OMA1: variants seen among roughly 807,000 people sequenced by gnomAD.
OMA1 encodes metalloendopeptidase OMA1, mitochondrial.
In OMA1, 38 loss-of-function variants were observed where a neutral mutation model predicts 30.9. The observed-to-expected ratio is 1.23, with a 90% CI of 0.95 to 1.61. The LOEUF (loss-of-function observed/expected upper bound fraction) is 1.61. OMA1 is among the 40% of genes most tolerant of loss of function. The pLI, the probability that OMA1 is intolerant of heterozygous loss-of-function variation, is 0.00. For missense variants in OMA1, 461 were observed against 349.2 expected, an observed-to-expected ratio of 1.32 and a Z score of -2.55; for synonymous variants, 173 against 121.9, an observed-to-expected ratio of 1.42 and a Z score of -2.76.
intron 8 of OMA1, among the ~76,000 whole-genome samples, chr1:58,489,168 C>T (rs868691347): frequency 5.9e-5 from 9 of 152,172 alleles, no homozygotes; most frequent in African/African-American, 1.9e-4. Flanking sequence ...GGAAGTGCAA[C>T]GGGTCAGGGA....
intron 8 of OMA1, among the ~76,000 whole-genome samples, chr1:58,485,422 T>C (rs1033483269): frequency 1.3e-5 from 2 of 151,922 alleles, no homozygotes; most frequent in South Asian, 2.1e-4. Flanking sequence ...GTTTCTTTAA[T>C]TGCTAGAAAC....
intron 1 of OMA1, among the ~76,000 whole-genome samples, chr1:58,545,766 T>C (rs895086733): frequency 7.9e-5 from 12 of 152,200 alleles, no homozygotes; most frequent in African/African-American, 2.4e-5. Flanking sequence ...GACTATTTCT[T>C]CTCTAGTTTC....
chr1:58,492,821 G>A lies in OMA1; in HGVS notation c.1366-11647C>T, dbSNP rs1272427923. ...TCCAGGACCAGATGGATTCACAGCC[G>A]AATTCTACCAGAGGTACAAGAAGGA... On this transcript the variant is annotated intron_variant, in intron 8 of 8. Coordinates refer to ENST00000371226, the MANE Select transcript of OMA1 (RefSeq NM_145243.5). 5.9e-5 allele frequency among the ~76,000 whole-genome samples: 9 copies of A among 152,096 alleles called. No individual in the cohort carries two copies. The South Asian group carries it at 1.0e-3, about 18-fold the overall frequency.
In OMA1 at chr1:58,481,230, A is replaced by G. The variant is rs895222955; in HGVS notation, c.1366-56T>C. The G allele has an allele frequency of 5.1e-6, 3 of 582,954 alleles. No homozygotes were observed. In the African/African-American group the frequency reaches 5.7e-5, roughly 11 times the overall value. 36.1% of individuals were successfully genotyped at this position (582,954 alleles called of 1,614,324 possible). ...TATATATATACATCAATGTATTCAGATTGTTTCAGTAATCCCTAATATGCT... is the reference window on the plus strand; with the variant it reads ...TATATATATACATCAATGTATTCAGGTTGTTTCAGTAATCCCTAATATGCT... On this transcript the variant is annotated intron_variant, in intron 8 of 8. Transcript: ENST00000371226.
intron 8 of OMA1, among the ~76,000 whole-genome samples, chr1:58,495,244 G>T (rs1436617408): frequency 6.6e-6 from 1 of 152,088 alleles, no homozygotes; most frequent in Non-Finnish European, 1.5e-5. Flanking sequence ...ACAGGAAGGG[G>T]AACATCACAC....
chr1:58,488,854 C>G (rs780070770), intron 8 of OMA1, among the ~76,000 whole-genome samples: 1 of 152,218 alleles, frequency 6.6e-6, no homozygotes, highest in Non-Finnish European at 1.5e-5. Flanking sequence ...GCTTAGCTCC[C>G]ACTTATCAGT....
chr1:58,525,606 G>A (rs1646336916), intron 7 of OMA1, among the ~76,000 whole-genome samples: 1 of 151,998 alleles, frequency 6.6e-6, no homozygotes, highest in Admixed American at 6.6e-5. Context: ...TTATGGATGG[G>A]AAGAATCAAT....
intron 8 of OMA1, among the ~76,000 whole-genome samples, chr1:58,482,484 G>T (rs1196355392): frequency 6.6e-6 from 1 of 151,916 alleles, no homozygotes; most frequent in Non-Finnish European, 1.5e-5. Flanking sequence ...AGGATAAATG[G>T]TCTTAATATT....
intron 8 of OMA1, among the ~76,000 whole-genome samples, chr1:58,499,491 T>TAGATAGATAGAC (rs964897791): frequency 6.7e-6 from 1 of 149,148 alleles, no homozygotes; most frequent in African/African-American, 2.5e-5. Context: ...GATAGATAGA[T>TAGATAGATAGAC]AGATAGATAG....
chr1:58,499,323 A>C (rs1645859502), intron 8 of OMA1, among the ~76,000 whole-genome samples: 1 of 150,600 alleles, frequency 6.6e-6, no homozygotes, highest in Admixed American at 6.6e-5. Flanking sequence ...ACAAAAAAAA[A>C]AAAAAAAAAA....
At chr1:58,539,449 C>A (rs1308107117) in intron 1 of OMA1, 139 bp from the exon 2 acceptor site, 6 of 590,120 alleles carry the variant, frequency 1.0e-5, no homozygotes, top group African/African-American at 1.9e-5. Flanking sequence ...CAACTCATCA[C>A]CCCTAGAGCA....
In OMA1 at chr1:58,493,115, C is replaced by T. The variant is rs1323865473; in HGVS notation, c.1366-11941G>A. 8.5e-5 allele frequency among the ~76,000 whole-genome samples: 13 copies of T among 152,058 alleles called. 1 individual carries two copies. Among genetic ancestry groups the T allele is most frequent in the African/African-American group, 1.2e-4 (5 of 41,402 alleles). On this transcript the variant is annotated intron_variant, in intron 8 of 8. Transcript: ENST00000371226. The stretch of plus-strand genomic sequence containing the variant: ...TGGGATGCAAGGCTGGTTCAACATA[C>T]GCAAATCAATAAACGTAATCCAGCA...
chr1:58,511,191 G>T (rs1385288693), intron 7 of OMA1, among the ~76,000 whole-genome samples: 3 of 152,102 alleles, frequency 2.0e-5, no homozygotes, highest in East Asian at 3.9e-4. Context: ...AAAAGAGTAA[G>T]ACTAGAGGCA....
intron 8 of OMA1, among the ~76,000 whole-genome samples, chr1:58,490,898 T>C (rs1317832225): frequency 2.2e-5 from 3 of 135,654 alleles, no homozygotes; most frequent in African/African-American, 5.4e-5. Flanking sequence ...CTCTGCCTCC[T>C]GGGTTCACAC....
At chr1:58,484,547 G>C (rs1038128934) in intron 8 of OMA1, among the ~76,000 whole-genome samples, 2 of 152,104 alleles carry the variant, frequency 1.3e-5, no homozygotes, top group Admixed American at 1.3e-4. Context: ...GAAAATATCA[G>C]CTCAATTTTA....
At chr1:58,482,860 T>C (rs1645513571) in intron 8 of OMA1, among the ~76,000 whole-genome samples, 1 of 151,996 alleles carries the variant, frequency 6.6e-6, no homozygotes, top group Non-Finnish European at 1.5e-5. Flanking sequence ...CAGGAGCAGA[T>C]TATGTAGGAC....
At chr1:58,527,405 AT>A (rs1000900970) in intron 6 of OMA1, 70 bp from the exon 7 acceptor site, 2 of 791,222 alleles carry the variant, frequency 2.5e-6, no homozygotes, top group African/African-American at 1.7e-5. Flanking sequence ...ACACAGAGAG[AT>A]TTTTAAAAAA....
At chr1:58,494,714 A>T (rs1645764988) in intron 8 of OMA1, among the ~76,000 whole-genome samples, 1 of 152,086 alleles carries the variant, frequency 6.6e-6, no homozygotes, top group African/African-American at 2.4e-5. Context: ...CAAAACCACA[A>T]TGAGATACCA....
chr1:58,533,420 AT>A (rs1372883058), intron 5 of OMA1, among the ~76,000 whole-genome samples: 8 of 152,200 alleles, frequency 5.3e-5, no homozygotes, highest in Non-Finnish European at 8.8e-5. Flanking sequence ...GGGTATTAAA[AT>A]TATGAATGGG....
Sources: gnomAD v4.1 joint callset for allele counts (sites outside exome capture counted in the v4.1 genomes callset) on GRCh38, gnomAD v4.1.1 for gene constraint, MANE v1.5 for transcripts, NCBI Gene and HGNC (gene_info 2026-07-23, HGNC 2026-07-21) for gene names.